Variants in ATP10A observed in about 807,000 individuals in gnomAD.
ATP10A encodes phospholipid-transporting ATPase VA.
In ATP10A, 111 loss-of-function variants were observed where a neutral mutation model predicts 147.8. The observed-to-expected ratio is 0.75, with a 90% CI of 0.64 to 0.88. The LOEUF is 0.88. Ranked by LOEUF, ATP10A falls within the 40% of genes least tolerant of loss-of-function variation. The pLI is 0.00. For synonymous variants in ATP10A, 875 were observed against 841.6 expected (o/e 1.04, Z -0.69); for missense variants, 1,927 against 1,959.0 (o/e 0.98, Z 0.31).
chr15:25,762,198 C>T (rs1340689161), intron 2 of ATP10A, among the ~76,000 whole-genome samples: 2 of 152,174 alleles, frequency 1.3e-5, no homozygotes, highest in South Asian at 2.1e-4. Flanking sequence ...TCCCCTTCAG[C>T]CATGATTATA....
intron 2 of ATP10A, among the ~76,000 whole-genome samples, chr15:25,740,604 A>G (rs530983428): frequency 6.6e-6 from 1 of 152,344 alleles, no homozygotes; most frequent in Non-Finnish European, 1.5e-5. Flanking sequence ...TGATACTCCC[A>G]GGTCACAAGG....
chr15:25,673,381 G>A (rs549710373), downstream of ATP10A, among the ~76,000 whole-genome samples: 5 of 152,316 alleles, frequency 3.3e-5, no homozygotes, highest in East Asian at 9.7e-4. Context: ...TGCTGCTCCC[G>A]TGCAGCAGCC....
At chr15:25,767,274 C>T (rs1292168314) in intron 2 of ATP10A, among the ~76,000 whole-genome samples, 1 of 152,210 alleles carries the variant, frequency 6.6e-6, no homozygotes, top group African/African-American at 2.4e-5. Context: ...GGTGGACACG[C>T]TGTGGCACCC....
At chr15:25,724,866 A>G (rs2140437957) in intron 5 of ATP10A, among the ~76,000 whole-genome samples, 1 of 152,362 alleles carries the variant, frequency 6.6e-6, no homozygotes, top group South Asian at 2.1e-4. Flanking sequence ...ACCATGGACC[A>G]AAAATATTAG....
At chr15:25,818,643 G>C (rs1352110759) in intron 1 of ATP10A, among the ~76,000 whole-genome samples, 1 of 152,040 alleles carries the variant, frequency 6.6e-6, no homozygotes, top group African/African-American at 2.4e-5. Context: ...AGCCTGAATA[G>C]CCAAAACAGT....
At chr15:25,821,184 G>A (rs1438121910) in intron 1 of ATP10A, among the ~76,000 whole-genome samples, 1 of 152,108 alleles carries the variant, frequency 6.6e-6, no homozygotes, top group Non-Finnish European at 1.5e-5. Context: ...TGGATCCTTT[G>A]AGCCCAGGAG....
chr15:25,699,297 C>T (rs1900531685), intron 13 of ATP10A, among the ~76,000 whole-genome samples: 1 of 152,096 alleles, frequency 6.6e-6, no homozygotes. Flanking sequence ...TAGAAACAGA[C>T]CCACACAAAT....
intron 2 of ATP10A, among the ~76,000 whole-genome samples, chr15:25,740,378 T>C (rs905455227): frequency 3.9e-5 from 6 of 152,180 alleles, no homozygotes; most frequent in Admixed American, 2.0e-4. Flanking sequence ...TGCCTAACGC[T>C]CCAGGTGGAA....
At chr15:25,842,679 T>C (rs1362007123) in intron 1 of ATP10A, among the ~76,000 whole-genome samples, 10 of 152,098 alleles carry the variant, frequency 6.6e-5, no homozygotes. Context: ...ACATTATCTC[T>C]GATTGTATAG....
At chr15:25,694,467 G>C (rs962650174) in intron 14 of ATP10A, among the ~76,000 whole-genome samples, 1 of 152,218 alleles carries the variant, frequency 6.6e-6, no homozygotes, top group Admixed American at 6.5e-5. Flanking sequence ...AAGTTGGCCT[G>C]GGCTAAGGCT....
At chr15:25,684,420 C>T (rs1899602122) in intron 16 of ATP10A, among the ~76,000 whole-genome samples, 1 of 152,230 alleles carries the variant, frequency 6.6e-6, no homozygotes, top group African/African-American at 2.4e-5. Context: ...AATGCAGCTG[C>T]TGTGAGCGTG....
intron 1 of ATP10A, among the ~76,000 whole-genome samples, chr15:25,802,670 G>A (rs1414267735): frequency 2.0e-5 from 3 of 152,126 alleles, no homozygotes; most frequent in South Asian, 2.1e-4. Flanking sequence ...ACGGCCGGCC[G>A]CCTTCTCTGT....
chr15:25,692,393 G>A (rs528221627), intron 14 of ATP10A, among the ~76,000 whole-genome samples: 1 of 152,268 alleles, frequency 6.6e-6, no homozygotes, highest in East Asian at 1.9e-4. Flanking sequence ...GACACCTTCG[G>A]GGAAAGGACA....
chr15:25,812,551 A>T (rs1488449908), intron 1 of ATP10A, among the ~76,000 whole-genome samples: 2 of 152,234 alleles, frequency 1.3e-5, no homozygotes, highest in African/African-American at 2.4e-5. Flanking sequence ...TTTGCTGATG[A>T]TATCAAAGCC....
At chr15:25,697,997 G>A (rs563345112) in intron 13 of ATP10A, among the ~76,000 whole-genome samples, 19 of 151,810 alleles carry the variant, frequency 1.3e-4, no homozygotes, top group African/African-American at 4.6e-4. Context: ...TGGTCAAAAT[G>A]ATTAAAAATA....
At chr15:25,743,741 T>C (rs1175886700) in intron 2 of ATP10A, among the ~76,000 whole-genome samples, 2 of 152,134 alleles carry the variant, frequency 1.3e-5, no homozygotes, top group African/African-American at 4.8e-5. Context: ...AGTCAAGGAG[T>C]TGGCAGGGCT....
intron 16 of ATP10A, among the ~76,000 whole-genome samples, chr15:25,684,424 G>A (rs1175092357): frequency 6.6e-6 from 1 of 152,218 alleles, no homozygotes; most frequent in East Asian, 1.9e-4. Context: ...CAGCTGCTGT[G>A]AGCGTGAAGC....
intron 1 of ATP10A, among the ~76,000 whole-genome samples, chr15:25,849,044 G>A (rs1893160492): frequency 6.6e-6 from 1 of 152,024 alleles, no homozygotes; most frequent in South Asian, 2.1e-4. Flanking sequence ...AGAGACCTTG[G>A]TGAGAGGAGG....
At chr15:25,814,381 C>T (rs925909818) in intron 1 of ATP10A, among the ~76,000 whole-genome samples, 1 of 152,206 alleles carries the variant, frequency 6.6e-6, no homozygotes, top group African/African-American at 2.4e-5. Flanking sequence ...AAATGTTCAA[C>T]GAAGTCCTTC....
Sources: allele counts gnomAD v4.1 joint callset (sites outside exome capture counted in the v4.1 genomes callset), GRCh38; gene constraint gnomAD v4.1.1; transcripts MANE v1.5; gene names NCBI Gene and HGNC (gene_info 2026-07-23, HGNC 2026-07-21).